CNTNAP3B: variants seen among roughly 807,000 people sequenced by gnomAD.
CNTNAP3B encodes the protein contactin associated protein family member 3B.
CNTNAP3B carries 25 observed loss-of-function variants against 108.9 expected under a neutral mutation model. The observed-to-expected ratio is 0.23, with a 90% confidence interval of 0.17 to 0.32. The LOEUF (loss-of-function observed/expected upper bound fraction) is 0.32, where lower values mean the gene tolerates loss of function less well. CNTNAP3B is among the 10% of genes least tolerant of loss of function. The pLI is 1.00. For missense variants in CNTNAP3B, 252 were observed against 1,210.4 expected (o/e 0.21, Z 11.75); for synonymous variants, 103 against 473.4 (o/e 0.22, Z 10.16).
chr9:41,957,155 A>C, intron 12 of CNTNAP3B, among the ~76,000 whole-genome samples: 1 of 41,048 alleles, frequency 2.4e-5, no homozygotes, highest in Non-Finnish European at 4.5e-5. Context: ...AAAGGAGTTT[A>C]CTTTTATCTT....
intron 11 of CNTNAP3B, among the ~76,000 whole-genome samples, chr9:41,962,026 A>G (rs1413757877): frequency 1.3e-5 from 2 of 152,292 alleles, no homozygotes; most frequent in African/African-American, 2.4e-5. Context: ...GAATGGAGAC[A>G]AATATTGAGG....
intron 3 of CNTNAP3B, among the ~76,000 whole-genome samples, chr9:42,054,820 G>A (rs149655349): frequency 0.15 from 18,817 of 129,488 alleles, 223 homozygotes; most frequent in East Asian, 0.22. Context: ...TTTTGTAGCC[G>A]CTGTTGTTGT....
intron 10 of CNTNAP3B, among the ~76,000 whole-genome samples, chr9:41,969,094 C>G (rs1202079968): frequency 1.2e-4 from 19 of 152,414 alleles, no homozygotes; most frequent in African/African-American, 4.6e-4. Context: ...CCACGCTGGG[C>G]CAGATTATCA....
intron 9 of CNTNAP3B, among the ~76,000 whole-genome samples, chr9:41,977,169 C>G (rs1187304753): frequency 2.7e-5 from 4 of 148,936 alleles, no homozygotes; most frequent in African/African-American, 1.0e-4. Flanking sequence ...GCATTTCTCA[C>G]ATTAGCATGT....
At chr9:41,977,378 A>G (rs552484731) in intron 9 of CNTNAP3B, among the ~76,000 whole-genome samples, 2 of 144,066 alleles carry the variant, frequency 1.4e-5, no homozygotes, top group Admixed American at 6.8e-5. Context: ...TAGGTCTTGG[A>G]TATATTGGCT....
intron 1 of CNTNAP3B, among the ~76,000 whole-genome samples, chr9:42,118,164 T>A (rs536830576): frequency 7.2e-6 from 1 of 139,576 alleles, no homozygotes; most frequent in African/African-American, 2.8e-5. Flanking sequence ...GAATCCTTCC[T>A]AACTCATTTT....
intron 14 of CNTNAP3B, among the ~76,000 whole-genome samples, chr9:41,929,913 C>A (rs1200138961): frequency 6.6e-6 from 1 of 151,998 alleles, no homozygotes; most frequent in Non-Finnish European, 1.5e-5. Context: ...AATTCCTGAC[C>A]CGTTTGCCAA....
At position 42,104,582 on chromosome 9, in the gene CNTNAP3B, C is replaced by T. The variant is rs1333315073; in HGVS notation, c.196+47G>A. 7.7e-6 allele frequency: 9 copies of T among 1,169,414 alleles called. 1 individual carries two copies. Among genetic ancestry groups the T allele is most frequent in the Non-Finnish European group, 1.1e-5 (9 of 828,234 alleles). 72.4% of individuals were successfully genotyped at this position (1,169,414 alleles called of 1,614,324 possible). ...TATAATTATTTTGTTAAAAGAAAAT[C>T]CAATGAGAGTCACCAAGGAGCAATA... is the stretch of plus-strand genomic sequence containing the variant. On this transcript the variant is annotated intron_variant, in intron 2 of 23. Coordinates refer to ENST00000377561, the MANE Select transcript of CNTNAP3B (RefSeq NM_001201380.3).
intron 13 of CNTNAP3B, among the ~76,000 whole-genome samples, chr9:41,940,242 T>G (rs1230195616): frequency 1.3e-5 from 2 of 152,304 alleles, no homozygotes; most frequent in Non-Finnish European, 2.9e-5. Flanking sequence ...CCCACAGATT[T>G]AGGAAGTTAA....
At chr9:41,919,469 C>T (rs1362718155) in intron 18 of CNTNAP3B, among the ~76,000 whole-genome samples, 2 of 152,406 alleles carry the variant, frequency 1.3e-5, no homozygotes, top group Admixed American at 6.5e-5. Flanking sequence ...TACCCCACTG[C>T]ACTCCTCTAA....
At chr9:41,962,053 G>C (rs1268823632) in intron 11 of CNTNAP3B, among the ~76,000 whole-genome samples, 1 of 152,288 alleles carries the variant, frequency 6.6e-6, no homozygotes, top group East Asian at 1.9e-4. Flanking sequence ...ACTAGAACTT[G>C]TGCTTTATGT....
At chr9:42,114,747 G>A (rs1015588106) in intron 1 of CNTNAP3B, among the ~76,000 whole-genome samples, 1 of 132,226 alleles carries the variant, frequency 7.6e-6, no homozygotes, top group Non-Finnish European at 1.6e-5. Context: ...GAAAAAACAT[G>A]TTCCACTGAA....
At chr9:42,110,498 G>T (rs1346153718) in intron 1 of CNTNAP3B, among the ~76,000 whole-genome samples, 1 of 130,494 alleles carries the variant, frequency 7.7e-6, no homozygotes. Context: ...TGGTTACTGT[G>T]TTATCACAGA....
At chr9:41,982,299 A>C (rs1355071016) in intron 9 of CNTNAP3B, among the ~76,000 whole-genome samples, 1 of 74,940 alleles carries the variant, frequency 1.3e-5, no homozygotes, top group Non-Finnish European at 2.4e-5. Context: ...CTGGAAGAAA[A>C]TATTCACAAA....
intron 15 of CNTNAP3B, among the ~76,000 whole-genome samples, chr9:41,924,456 CTGAGG>C (rs1254211088): frequency 6.6e-6 from 1 of 152,302 alleles, no homozygotes; most frequent in Admixed American, 6.5e-5. Context: ...AGGGTGGAGT[CTGAGG>C]TGACTTTGGG....
chr9:41,958,893 A>G (rs1824964152), intron 12 of CNTNAP3B, among the ~76,000 whole-genome samples: 1 of 139,902 alleles, frequency 7.1e-6, no homozygotes, highest in African/African-American at 2.9e-5. Context: ...GAACCCAGTC[A>G]AGCTAGGTGT....
At chr9:41,951,167 G>A (rs1824666917) in intron 13 of CNTNAP3B, among the ~76,000 whole-genome samples, 1 of 143,186 alleles carries the variant, frequency 7.0e-6, no homozygotes, top group Non-Finnish European at 1.5e-5. Flanking sequence ...TTGGGGTGGG[G>A]GAACTGCTTA....
rs1489248443 is a variant in CNTNAP3B at position 42,021,820 on chromosome 9, G to A, written c.391-8295C>T. Among the ~76,000 whole-genome samples the A allele has an allele frequency of 2.2e-5, 3 of 136,152 alleles. 1 individual carries two copies. The highest frequency in any genetic ancestry group is 3.0e-5 in the African/African-American group (1 of 33,740). The allele number at this position is 136,152 out of a possible 152,430, so 89.3% of individuals were successfully genotyped here. A position where few individuals can be genotyped will look rare whatever the true frequency, so the allele number is the denominator to read the frequency against. ...AGGGTCAAAGCTGAGCTCTGAAACC[G>A]CCTTTGCACAAATTCTAACAGTGAA... On this transcript the variant is annotated intron_variant, in intron 3 of 23. Transcript: ENST00000377561.
rs199830117 is a variant in CNTNAP3B at position 42,056,326 on chromosome 9, T to TTTATTATTATTA, written c.390+20531_390+20542dup. ...CAAGGTTGAATATTATCTCATGAAT[T>TTTATTATTATTA]TTATTATTATTATTATTATTATTAT... On this transcript the variant is annotated intron_variant, in intron 3 of 23. Transcript: ENST00000377561. Among the ~76,000 whole-genome samples the TTTATTATTATTA allele has an allele frequency of 1.9e-3, 245 of 129,074 alleles. 4 individuals carry two copies. Among genetic ancestry groups the TTTATTATTATTA allele is most frequent in the African/African-American group, 6.3e-3 (208 of 33,090 alleles). 84.7% of individuals were successfully genotyped at this position (129,074 alleles called of 152,430 possible).
Sources: gnomAD v4.1 joint callset for allele counts (sites outside exome capture counted in the v4.1 genomes callset) on GRCh38, gnomAD v4.1.1 for gene constraint, MANE v1.5 for transcripts, NCBI Gene and HGNC (gene_info 2026-07-23, HGNC 2026-07-21) for gene names.